ZFAT: variants seen among roughly 807,000 people sequenced by gnomAD.
ZFAT encodes the protein zinc finger protein ZFAT.
Under a neutral mutation model 117.7 loss-of-function variants are expected in ZFAT, and 64 were observed. The observed-to-expected ratio is 0.54, with a 90% confidence interval of 0.44 to 0.67. The LOEUF is 0.67. ZFAT is among the 30% of genes least tolerant of loss of function. The pLI is 0.00. For synonymous variants in ZFAT, 679 were observed against 615.0 expected, an observed-to-expected ratio of 1.10 and a Z score of -1.54; for missense variants, 1,433 against 1,584.5, an observed-to-expected ratio of 0.90 and a Z score of 1.62.
At chr8:134,569,915 C>A (rs1309372888) in intron 10 of ZFAT, among the ~76,000 whole-genome samples, 2 of 152,198 alleles carry the variant, frequency 1.3e-5, no homozygotes, top group African/African-American at 4.8e-5. Flanking sequence ...TGTAAGTAAG[C>A]AGTTATAACA....
intron 1 of ZFAT, among the ~76,000 whole-genome samples, chr8:134,711,275 C>T (rs1392052178): frequency 6.6e-6 from 1 of 152,242 alleles, no homozygotes; most frequent in Non-Finnish European, 1.5e-5. Context: ...GGCTATGGAA[C>T]TGCATTTCTG....
At chr8:134,639,101 G>A (rs1046292132) in intron 2 of ZFAT, among the ~76,000 whole-genome samples, 1 of 152,342 alleles carries the variant, frequency 6.6e-6, no homozygotes, top group South Asian at 2.1e-4. Flanking sequence ...ATGAGGACCC[G>A]TTAAGTAAGT....
At chr8:134,584,957 G>A (rs1825966133) in intron 9 of ZFAT, among the ~76,000 whole-genome samples, 1 of 152,234 alleles carries the variant, frequency 6.6e-6, no homozygotes, top group African/African-American at 2.4e-5. Context: ...GCGCAGAGCT[G>A]AGTTGCACAT....
In ZFAT at chr8:134,552,548, A is replaced by T. The variant is rs558168016; in HGVS notation, c.2976+12785T>A. On this transcript the variant is annotated intron_variant, in intron 11 of 15. Transcript: ENST00000377838. Reference sequence around the variant, plus strand: ...TCATGGTGCACATTTTTGAAGATTCAATTGCATTTAGAGATACATCAAACA... The same window carrying T: ...TCATGGTGCACATTTTTGAAGATTCTATTGCATTTAGAGATACATCAAACA... Among the ~76,000 whole-genome samples, 6 of 152,358 alleles carry T rather than the reference A, an allele frequency of 3.9e-5. No individual in the cohort carries two copies. In the South Asian group the frequency reaches 1.2e-3, roughly 32 times the overall value.
At chr8:134,557,174 A>G (rs1402441290) in intron 11 of ZFAT, among the ~76,000 whole-genome samples, 2 of 152,202 alleles carry the variant, frequency 1.3e-5, no homozygotes, top group Non-Finnish European at 2.9e-5. Flanking sequence ...TGTAACAAAG[A>G]TAAGTTAAGG....
chr8:134,806,851 A>G, the ZFAT span, among the ~76,000 whole-genome samples: 1 of 152,252 alleles, frequency 6.6e-6, no homozygotes, highest in Non-Finnish European at 1.5e-5. Context: ...TTCTATCATT[A>G]TAAAGTATCT....
chr8:134,512,037 G>A (rs974197537), intron 14 of ZFAT, among the ~76,000 whole-genome samples: 7 of 152,164 alleles, frequency 4.6e-5, no homozygotes, highest in African/African-American at 1.4e-4. Context: ...GGATGATGCC[G>A]TGACAAGAAG....
intron 13 of ZFAT, among the ~76,000 whole-genome samples, chr8:134,513,140 G>C (rs1035151421): frequency 6.6e-6 from 1 of 152,050 alleles, no homozygotes; most frequent in African/African-American, 2.4e-5. Context: ...AGCACGTGGA[G>C]AGCACAGGTC....
intron 11 of ZFAT, among the ~76,000 whole-genome samples, chr8:134,535,451 T>A (rs1436138580): frequency 1.3e-5 from 2 of 151,426 alleles, no homozygotes; most frequent in African/African-American, 4.9e-5. Context: ...CCAGCCTTCC[T>A]GGGAAGCCTT....
At chr8:134,791,377 C>T in the ZFAT span, among the ~76,000 whole-genome samples, 1 of 152,130 alleles carries the variant, frequency 6.6e-6, no homozygotes, top group Non-Finnish European at 1.5e-5. Flanking sequence ...CAGGCCATAT[C>T]TCTTGCTGTT....
the ZFAT span, among the ~76,000 whole-genome samples, chr8:134,800,269 A>G: frequency 6.6e-6 from 1 of 152,214 alleles, no homozygotes; most frequent in Non-Finnish European, 1.5e-5. Flanking sequence ...AATTTAGAGT[A>G]ATTTTTCCTC....
At chr8:134,816,430 A>G in the ZFAT span, among the ~76,000 whole-genome samples, 3 of 152,080 alleles carry the variant, frequency 2.0e-5, no homozygotes, top group Admixed American at 6.5e-5. Flanking sequence ...GAAAAATAAG[A>G]CAAGACTCTT....
Position 134,602,736 on chromosome 8 carries a change from C to T in ZFAT, c.983G>A (p.Cys328Tyr). The change falls in exon 6 of 16, where the codon TGC becomes TAC. Residue 328 changes from cysteine to tyrosine, a missense_variant. Transcript: ENST00000377838. ...LRKHTGEKFACDYCSFTCLSK... is the reference protein window; with the variant it reads ...LRKHTGEKFAYDYCSFTCLSK... ...CAGGCAGGTGAACGAGCAATAGTCG[C>T]AGGCGAACTTCTCTCCAGTGTGCTT... 6.2e-7 allele frequency: 1 copy of T among 1,613,752 alleles called. No homozygotes were observed.
At chr8:134,712,729 G>GCCGGCGA in intron 1 of ZFAT, 116 bp downstream of exon 1, 1 of 909,930 alleles carries the variant, frequency 1.1e-6, no homozygotes. Flanking sequence ...GCGGCCGGCG[G>GCCGGCGA]CCGGCGGCCG....
chr8:134,758,065 A>C, the ZFAT span, among the ~76,000 whole-genome samples: 2 of 152,212 alleles, frequency 1.3e-5, no homozygotes, highest in Non-Finnish European at 2.9e-5. Flanking sequence ...CACGAACTCA[A>C]ATGAACTAAA....
At chr8:134,671,099 A>G (rs1221016533) in intron 1 of ZFAT, among the ~76,000 whole-genome samples, 1 of 152,220 alleles carries the variant, frequency 6.6e-6, no homozygotes, top group African/African-American at 2.4e-5. Context: ...TCTGAAATTG[A>G]GGCAATAATT....
chr8:134,675,576 C>T (rs1832758611), intron 1 of ZFAT, among the ~76,000 whole-genome samples: 1 of 152,114 alleles, frequency 6.6e-6, no homozygotes, highest in African/African-American at 2.4e-5. Context: ...CAAGGCCGGC[C>T]AACATTCAAA....
At chr8:134,675,445 T>G (rs902844378) in intron 1 of ZFAT, among the ~76,000 whole-genome samples, 4 of 152,014 alleles carry the variant, frequency 2.6e-5, no homozygotes, top group African/African-American at 7.2e-5. Context: ...CCAAGAAATA[T>G]GGGACTACGT....
At chr8:134,569,613 C>T (rs1824731166) in intron 10 of ZFAT, among the ~76,000 whole-genome samples, 2 of 152,142 alleles carry the variant, frequency 1.3e-5, no homozygotes, top group East Asian at 3.9e-4. Flanking sequence ...TACTCAGAGG[C>T]CCCATTAGAA....
Sources: gnomAD v4.1 joint callset for allele counts (sites outside exome capture counted in the v4.1 genomes callset) on GRCh38, gnomAD v4.1.1 for gene constraint, MANE v1.5 for transcripts, NCBI Gene and HGNC (gene_info 2026-07-23, HGNC 2026-07-21) for gene names.